The following PTPN23 variants were observed in gnomAD, a reference collection of about 807,000 sequenced individuals.
PTPN23 encodes the protein tyrosine-protein phosphatase non-receptor type 23.
PTPN23 carries 72 observed loss-of-function variants against 156.3 expected under a neutral mutation model. That is an observed-to-expected ratio of 0.46 (90% CI 0.38 to 0.56). The LOEUF is 0.56. Ranked by LOEUF, PTPN23 falls within the 20% of genes least tolerant of loss-of-function variation. The pLI is 0.00. For synonymous variants in PTPN23, 957 were observed against 899.6 expected, an observed-to-expected ratio of 1.06 and a Z score of -1.14; for missense variants, 1,974 against 2,171.5, an observed-to-expected ratio of 0.91 and a Z score of 1.81.
In PTPN23 at chr3:47,412,904, TCCCC is replaced by T; in HGVS notation, c.4631_4634del (p.Ser1544CysfsTer39). 4 of 1,580,632 alleles carry T rather than the reference TCCCC, an allele frequency of 2.5e-6. No individual in the cohort carries two copies. The highest frequency in any genetic ancestry group is 3.4e-6 in the Non-Finnish European group (4 of 1,159,488). On this transcript the variant is annotated frameshift_variant, in exon 25 of 25. Transcript: ENST00000265562. LOFTEE classifies it high-confidence loss of function. Reference sequence around the variant, plus strand: ...AGAGTCTACCCCAATCCCATCTTCCTCCCCGCCCCCCCTTTCCTCCCCACTACCT... The same window carrying T: ...AGAGTCTACCCCAATCCCATCTTCCTGCCCCCCCTTTCCTCCCCACTACCT...
rs766192713 is a variant in PTPN23 at position 47,410,506 on chromosome 3, C to T, written c.2708C>T (p.Pro903Leu). ...ACAGCCCCACGGCCAAACCCCACCC[C>T]TGCTCCTCCCCCGCCCTGCTTCCCT... ...SHTAPRPNPTPAPPPPCFPVP... is the reference protein window; with the variant it reads ...SHTAPRPNPTLAPPPPCFPVP... Residue 903 changes from proline to leucine, a missense_variant, in exon 20 of 25, where the codon CCT becomes CTT. This residue lies in a region of PTPN23 where 731 missense variants were observed against 669.1 expected (regional missense o/e 1.09). Transcript: ENST00000265562. 9 of 1,606,970 alleles carry T rather than the reference C, an allele frequency of 5.6e-6. No homozygotes were observed. The South Asian group carries it at 1.0e-4, about 18-fold the overall frequency.
intron 17 of PTPN23, 40 bp downstream of exon 17, chr3:47,409,357 G>A (rs1705208939): frequency 1.9e-6 from 3 of 1,613,130 alleles, no homozygotes; most frequent in African/African-American, 1.3e-5. Context: ...CTGGCTCCGG[G>A]CCCCACCCTT....
At chr3:47,392,741 G>A (rs992072525) in intron 1 of PTPN23, among the ~76,000 whole-genome samples, 5 of 151,940 alleles carry the variant, frequency 3.3e-5, no homozygotes, top group African/African-American at 1.2e-4. Flanking sequence ...AGGGGAAAGT[G>A]GTATTCAGGT....
At chr3:47,403,690 A>G (rs1354815986) in intron 2 of PTPN23, among the ~76,000 whole-genome samples, 1 of 151,898 alleles carries the variant, frequency 6.6e-6, no homozygotes, top group Non-Finnish European at 1.5e-5. Flanking sequence ...ACGCCTAGAT[A>G]ATTTTTAAAA....
At chr3:47,408,555 G>A (rs549825538) in intron 15 of PTPN23, 65 bp downstream of exon 15, 33 of 1,555,280 alleles carry the variant, frequency 2.1e-5, no homozygotes, top group South Asian at 1.7e-4. Flanking sequence ...GGCCTCCTCC[G>A]TGTCCCTGGT....
chr3:47,410,214 A>G lies in PTPN23; in HGVS notation c.2416A>G (p.Arg806Gly), dbSNP rs149495987. The change falls in exon 20 of 25, where the codon AGG (arginine) becomes GGG (glycine). Residue 806 changes from arginine (R) to glycine (G), a missense_variant. Arg to Gly is a moderately radical substitution (Grantham distance 125). Around this residue, in one of 4 missense-constraint regions of PTPN23, gnomAD observed 731 missense variants for 669.1 expected, o/e 1.09. Transcript: ENST00000265562. ...YSGPTQLIQPRAPGPHAMPVA... is the reference protein window; with the variant it reads ...YSGPTQLIQPGAPGPHAMPVA... ...GGGCCCCACCCAGCTGATACAGCCC[A>G]GGGCCCCAGGGCCCCATGCAATGCC... 4.3e-5 allele frequency: 69 copies of G among 1,610,620 alleles called. No homozygotes were observed. Among genetic ancestry groups the G allele is most frequent in the Admixed American group, 1.3e-4 (8 of 59,664 alleles).
At chr3:47,384,080 AACC>A (rs1378575909) in intron 1 of PTPN23, among the ~76,000 whole-genome samples, 1 of 151,748 alleles carries the variant, frequency 6.6e-6, no homozygotes, top group East Asian at 1.9e-4. Context: ...TACTATGCTG[AACC>A]TTGATAAGCA....
intron 2 of PTPN23, among the ~76,000 whole-genome samples, chr3:47,404,404 ACT>A (rs941928460): frequency 1.1e-4 from 10 of 95,182 alleles, no homozygotes; most frequent in Non-Finnish European, 4.1e-5. Context: ...ACAGAATGAG[ACT>A]CTTTTTTTTT....
chr3:47,407,378 G>T lies in PTPN23; in HGVS notation c.923+11G>T, dbSNP rs373579049. 6.2e-7 allele frequency: 1 copy of T among 1,613,828 alleles called. No homozygotes were observed. Among genetic ancestry groups the T allele is most frequent in the Non-Finnish European group, 8.5e-7 (1 of 1,179,826 alleles). On this transcript the variant is annotated intron_variant, in intron 11 of 24. Coordinates refer to ENST00000265562, the MANE Select transcript of PTPN23 (RefSeq NM_015466.4). The surrounding 1 kb of genome is among the most constrained non-coding windows in gnomAD (Gnocchi z 4.0). ...TGTCATTGGGGGAAAGTGAGTCTGT[G>T]GGGGTGGCCCTGGTTCCCTCTTTTT...
At chr3:47,398,493 GT>G (rs771776330) in intron 2 of PTPN23, among the ~76,000 whole-genome samples, 8 of 151,786 alleles carry the variant, frequency 5.3e-5, no homozygotes, top group African/African-American at 1.9e-4. Flanking sequence ...GATTTGCTGG[GT>G]TTTTTTGTGT....
At position 47,409,055 on chromosome 3, in the gene PTPN23, G is replaced by A. The variant is rs565541494; in HGVS notation, c.1610G>A (p.Arg537Gln). 40 of 1,613,408 alleles carry A rather than the reference G, an allele frequency of 2.5e-5. No individual in the cohort carries two copies. The highest frequency in any genetic ancestry group is 5.5e-5 in the South Asian group (5 of 91,024). Reference sequence around the variant, plus strand: ...CTCAGCGGGCCGCTTGACCAGGTCCGGGCTGCCCTGCCCACACCGGCCCTC... The same window carrying A: ...CTCAGCGGGCCGCTTGACCAGGTCCAGGCTGCCCTGCCCACACCGGCCCTC... ...RLLSGPLDQV[R>Q]AALPTPALSP... Residue 537 changes from arginine to glutamine, a missense_variant, in exon 16 of 25, where the codon CGG (arginine) becomes CAG (glutamine). Around this residue, in one of 4 missense-constraint regions of PTPN23, gnomAD observed 726 missense variants for 929.5 expected, o/e 0.78. Coordinates refer to ENST00000265562, the MANE Select transcript of PTPN23 (RefSeq NM_015466.4).
chr3:47,403,553 G>C (rs1231556492), intron 2 of PTPN23, among the ~76,000 whole-genome samples: 1 of 151,964 alleles, frequency 6.6e-6, no homozygotes, highest in African/African-American at 2.4e-5. Context: ...TTGAGAGACA[G>C]GGTCTTGCTT....
At chr3:47,383,722 C>T (rs1221839060) in intron 1 of PTPN23, among the ~76,000 whole-genome samples, 1 of 152,228 alleles carries the variant, frequency 6.6e-6, no homozygotes, top group African/African-American at 2.4e-5. Flanking sequence ...TCACACCGAC[C>T]CAAAGGGTAT....
chr3:47,400,014 T>G (rs925247136), intron 2 of PTPN23, among the ~76,000 whole-genome samples: 1 of 152,108 alleles, frequency 6.6e-6, no homozygotes, highest in East Asian at 1.9e-4. Context: ...GTCTCGTATA[T>G]TCCCCAGGCT....
Position 47,404,845 on chromosome 3 carries a change from T to TC in PTPN23, c.287+69dup, listed in dbSNP as rs1705085290. The stretch of plus-strand genomic sequence containing the variant: ...CTGGGTGGTGGGGGTGCTCCTCCCC[T>TC]CCCTTCCCCCTTCTCCTTGCTGCAT... On this transcript the variant is annotated intron_variant, in intron 3 of 24. Coordinates refer to ENST00000265562, the MANE Select transcript of PTPN23 (RefSeq NM_015466.4). The TC allele has an allele frequency of 3.2e-6, 5 of 1,585,770 alleles. No individual in the cohort carries two copies. The Admixed American group carries it at 8.9e-5, about 28-fold the overall frequency.
At chr3:47,404,598 C>A in intron 2 of PTPN23, 54 bp from the exon 3 acceptor site, 1 of 1,598,026 alleles carries the variant, frequency 6.3e-7, no homozygotes, top group Non-Finnish European at 8.6e-7. Context: ...AGCTGGCCTG[C>A]GTGTCCACTG....
At chr3:47,394,011 T>A (rs1218265533) in intron 1 of PTPN23, among the ~76,000 whole-genome samples, 2 of 151,948 alleles carry the variant, frequency 1.3e-5, no homozygotes, top group Admixed American at 1.3e-4. Flanking sequence ...CCCAAAGTGC[T>A]GGGATTACAG....
rs376083019 is a variant in PTPN23 at position 47,406,528 on chromosome 3, C to T, written c.675C>T (p.Asp225=). 1.9e-6 allele frequency: 3 copies of T among 1,613,908 alleles called. No individual in the cohort carries two copies. In the African/African-American group the frequency reaches 4.0e-5, roughly 22 times the overall value. The stretch of plus-strand genomic sequence containing the variant: ...CATGCCGGGCCTTGGAGAACCCCGA[C>T]ACTGCCTCACTGCTGGGCCGGATCC... The part of the protein sequence containing the change: ...KEACRALENP[D]TASLLGRIQK... The change falls in exon 8 of 25, where the codon GAC becomes GAT. Residue 225 remains aspartate (D), a synonymous_variant. Coordinates refer to ENST00000265562, the MANE Select transcript of PTPN23 (RefSeq NM_015466.4). The surrounding 1 kb of genome is among the most constrained non-coding windows in gnomAD (Gnocchi z 5.8).
rs955123643 is a variant in PTPN23, at chr3:47,410,558, G to A, written c.2760G>A (p.Thr920=). 1.1e-5 allele frequency: 14 copies of A among 1,333,224 alleles called. No homozygotes were observed. Among genetic ancestry groups the A allele is most frequent in the Middle Eastern group, 2.1e-4 (1 of 4,806 alleles). The allele number at this position is 1,333,224 out of a possible 1,614,324, so 82.6% of individuals were successfully genotyped here. ...TGCCCCCACCGCAGCCACTGCCCAC[G>A]CCTTACACCTACCCTGCAGGGGCTA... ...FPVPPPQPLP[T]PYTYPAGAKQ... Residue 920 remains threonine (T), a synonymous_variant, in exon 20 of 25, where the codon ACG becomes ACA. Transcript: ENST00000265562.
Sources: gnomAD v4.1 joint callset for allele counts (sites outside exome capture counted in the v4.1 genomes callset) on GRCh38, gnomAD v4.1.1 for gene constraint, gnomAD v4.1.1 regional missense constraint, Gnocchi (gnomAD v3.1) non-coding constraint, MANE v1.5 for transcripts, NCBI Gene and HGNC (gene_info 2026-07-23, HGNC 2026-07-21) for gene names.